SLC1A2: variants seen among roughly 807,000 people sequenced by gnomAD.
SLC1A2 encodes excitatory amino acid transporter 2.
In SLC1A2, 15 loss-of-function variants were observed where a neutral mutation model predicts 48.8. The observed-to-expected ratio is 0.31, with a 90% CI of 0.21 to 0.47. The LOEUF is 0.47. Among genes scored for constraint, SLC1A2 ranks in the 20% least tolerant of loss-of-function variants. The probability of loss-of-function intolerance (pLI) is 0.99; values close to 1 mark genes in which losing one functional copy is unlikely to be tolerated. For missense variants in SLC1A2, 502 were observed against 730.5 expected, an observed-to-expected ratio of 0.69 and a Z score of 3.61; for synonymous variants, 279 against 272.6, an observed-to-expected ratio of 1.02 and a Z score of -0.23.
intron 1 of SLC1A2, among the ~76,000 whole-genome samples, chr11:35,388,232 G>A (rs1428893965): frequency 6.6e-6 from 1 of 152,172 alleles, no homozygotes; most frequent in Non-Finnish European, 1.5e-5. Context: ...AGAAAGACCC[G>A]ATGAGTCATA....
At chr11:35,313,940 G>A (rs1026335676) in intron 3 of SLC1A2, among the ~76,000 whole-genome samples, 2 of 152,106 alleles carry the variant, frequency 1.3e-5, no homozygotes, top group African/African-American at 4.8e-5. Flanking sequence ...CAGTCCAGGG[G>A]AACAACTTCT....
intron 1 of SLC1A2, among the ~76,000 whole-genome samples, chr11:35,354,288 C>CA (rs77964748): frequency 4.7e-5 from 7 of 149,318 alleles, no homozygotes; most frequent in Non-Finnish European, 6.0e-5. Context: ...CCCGTGTCTA[C>CA]AAAAAAAAAA....
chr11:35,329,743 C>T (rs550303974), intron 1 of SLC1A2, among the ~76,000 whole-genome samples: 34 of 152,294 alleles, frequency 2.2e-4, no homozygotes, highest in African/African-American at 7.5e-4. Flanking sequence ...ATCACTTCTA[C>T]TCTAACCATC....
chr11:35,254,697 T>C lies in SLC1A2; in HGVS notation c.*6197A>G, dbSNP rs559062238. ...AACACTCACCCAAGGATTGGGGGTG[T>C]CTCCAGAGAAACTGAGGACCTGTTG... On this transcript the variant is annotated 3_prime_UTR_variant, in exon 11 of 11. Transcript: ENST00000278379. 4.5e-6 allele frequency: 2 copies of C among 441,796 alleles called. No homozygotes were observed. The highest frequency in any genetic ancestry group is 1.4e-4 in the East Asian group (2 of 14,110). 27.4% of individuals were successfully genotyped at this position (441,796 alleles called of 1,614,324 possible). A position where few individuals can be genotyped will look rare whatever the true frequency, so the allele number is the denominator to read the frequency against.
chr11:35,317,914 G>A (rs757781271), intron 1 of SLC1A2, among the ~76,000 whole-genome samples: 72 of 152,178 alleles, frequency 4.7e-4, no homozygotes, highest in Non-Finnish European at 1.6e-4. Context: ...CAGTAAAAAG[G>A]TGACTTTTTC....
chr11:35,314,233 A>G (rs993583034), intron 3 of SLC1A2, among the ~76,000 whole-genome samples: 5 of 152,228 alleles, frequency 3.3e-5, no homozygotes, highest in African/African-American at 1.2e-4. Flanking sequence ...ATAAGTGAAC[A>G]TGATGCCACA....
At chr11:35,265,299 A>T in intron 10 of SLC1A2, 1 of 558,042 alleles carries the variant, frequency 1.8e-6, no homozygotes. Flanking sequence ...CATCACATGG[A>T]CGAAATAAGC....
intron 1 of SLC1A2, among the ~76,000 whole-genome samples, chr11:35,337,704 C>T (rs1381970496): frequency 1.3e-5 from 2 of 152,108 alleles, no homozygotes; most frequent in African/African-American, 4.8e-5. Context: ...CCAAAACTGC[C>T]CCAGCTTGCT....
chr11:35,288,711 A>G (rs1452224037), intron 7 of SLC1A2, among the ~76,000 whole-genome samples: 1 of 152,058 alleles, frequency 6.6e-6, no homozygotes, highest in Non-Finnish European at 1.5e-5. Flanking sequence ...GTATAAAAAT[A>G]TCCTCTATTT....
At chr11:35,412,188 A>C (rs1855483746) in intron 1 of SLC1A2, among the ~76,000 whole-genome samples, 1 of 152,206 alleles carries the variant, frequency 6.6e-6, no homozygotes, top group Non-Finnish European at 1.5e-5. Flanking sequence ...TAACAGCATA[A>C]AATCAAAACT....
At chr11:35,328,674 C>T (rs1217031169) in intron 1 of SLC1A2, among the ~76,000 whole-genome samples, 2 of 152,144 alleles carry the variant, frequency 1.3e-5, no homozygotes, top group Admixed American at 6.6e-5. Flanking sequence ...CAATAGACAT[C>T]GACACTGAAC....
chr11:35,394,810 G>A (rs1854901545), intron 1 of SLC1A2, among the ~76,000 whole-genome samples: 1 of 152,228 alleles, frequency 6.6e-6, no homozygotes, highest in African/African-American at 2.4e-5. Context: ...CATGGCAGCT[G>A]AAAGATGAGG....
At chr11:35,382,796 A>C (rs75089881) in intron 1 of SLC1A2, among the ~76,000 whole-genome samples, 2 of 108,616 alleles carry the variant, frequency 1.8e-5, no homozygotes, top group African/African-American at 6.4e-5. Flanking sequence ...ACTCAGTCTC[A>C]AAAAAAAAAA....
Position 35,379,088 on chromosome 11 carries a change from C to T in SLC1A2, c.17+39862G>A, listed in dbSNP as rs960211545. Among the ~76,000 whole-genome samples the T allele has an allele frequency of 3.9e-5, 6 of 152,146 alleles. No homozygotes were observed. In the South Asian group the frequency reaches 6.2e-4, roughly 16 times the overall value. ...TACTAAAAATACAAAAGTAGCCAGG[C>T]GTGGTGGTGACATGACTGTAATCCC... On this transcript the variant is annotated intron_variant, in intron 1 of 10. Transcript: ENST00000278379.
intron 1 of SLC1A2, among the ~76,000 whole-genome samples, chr11:35,366,652 C>T (rs1853859620): frequency 6.6e-6 from 1 of 152,108 alleles, no homozygotes; most frequent in South Asian, 2.1e-4. Context: ...TTGATGTTTC[C>T]TATATCTCCC....
intron 9 of SLC1A2, among the ~76,000 whole-genome samples, chr11:35,271,177 A>C (rs534896846): frequency 3.2e-4 from 48 of 152,294 alleles, no homozygotes; most frequent in Non-Finnish European, 5.7e-4. Context: ...ATATGTAGGG[A>C]GCATGGTCAG....
At chr11:35,402,797 C>G (rs916392612) in intron 1 of SLC1A2, among the ~76,000 whole-genome samples, 4 of 152,148 alleles carry the variant, frequency 2.6e-5, no homozygotes, top group African/African-American at 7.2e-5. Context: ...AAAGACACCA[C>G]GCATTTGGAG....
intron 3 of SLC1A2, 84 bp downstream of exon 3, chr11:35,314,939 A>C (rs1303872400): frequency 1.0e-6 from 1 of 984,296 alleles, no homozygotes. Flanking sequence ...ACATTCACTC[A>C]ACCAAATTGA....
intron 1 of SLC1A2, among the ~76,000 whole-genome samples, chr11:35,369,542 G>A (rs1344298483): frequency 1.3e-5 from 2 of 152,196 alleles, no homozygotes; most frequent in Non-Finnish European, 2.9e-5. Context: ...GGATAAAGAA[G>A]CTAAATGGTC....
Sources: gnomAD v4.1 joint callset for allele counts (sites outside exome capture counted in the v4.1 genomes callset) on GRCh38, gnomAD v4.1.1 for gene constraint, MANE v1.5 for transcripts, NCBI Gene and HGNC (gene_info 2026-07-23, HGNC 2026-07-21) for gene names.